Variants in DUS2 observed in about 807,000 individuals in gnomAD.
DUS2 encodes dihydrouridine synthase 2.
In DUS2, 52 loss-of-function variants were observed where a neutral mutation model predicts 71.3. The ratio of observed to expected loss-of-function variants is 0.73; its 90% CI spans 0.58 to 0.92. The LOEUF (loss-of-function observed/expected upper bound fraction) is 0.92. Among genes scored for constraint, DUS2 ranks in the 40% least tolerant of loss-of-function variants. The pLI, the probability that DUS2 is intolerant of heterozygous loss-of-function variation, is 0.00. For synonymous variants in DUS2, 204 were observed against 227.8 expected (o/e 0.90, Z 0.94); for missense variants, 558 against 622.6 (o/e 0.90, Z 1.10).
At chr16:68,028,376 C>T (rs145134026) in intron 2 of DUS2, among the ~76,000 whole-genome samples, 2,547 of 152,158 alleles carry the variant, frequency 0.017, 65 homozygotes, top group African/African-American at 0.056. Flanking sequence ...TGGCTCACAC[C>T]TGTAATCCCA....
At position 68,023,339 on chromosome 16, in the gene DUS2, G is replaced by C; in HGVS notation, c.-111G>C. On this transcript the variant is annotated 5_prime_UTR_variant, in exon 1 of 17. Transcript: ENST00000565263. Reference sequence around the variant, plus strand: ...GGAAGAAGCGAGGTTCTTTTTAAGAGTTCAGCTGCGAGGTCTGTAGCTCCG... The same window carrying C: ...GGAAGAAGCGAGGTTCTTTTTAAGACTTCAGCTGCGAGGTCTGTAGCTCCG... 1 of 1,088,252 alleles carries C rather than the reference G, an allele frequency of 9.2e-7. No individual in the cohort carries two copies. Among genetic ancestry groups the C allele is most frequent in the Non-Finnish European group, 1.3e-6 (1 of 770,888 alleles). 67.4% of individuals were successfully genotyped at this position (1,088,252 alleles called of 1,614,324 possible). A position where few individuals can be genotyped will look rare whatever the true frequency, so the allele number is the denominator to read the frequency against.
intron 2 of DUS2, among the ~76,000 whole-genome samples, chr16:68,037,000 G>A (rs911068616): frequency 2.0e-5 from 3 of 151,566 alleles, no homozygotes; most frequent in African/African-American, 7.3e-5. Context: ...CTCTGCTCTA[G>A]CATTACCAGT....
intron 3 of DUS2, among the ~76,000 whole-genome samples, chr16:68,039,686 G>A (rs1318191978): frequency 6.6e-6 from 1 of 152,088 alleles, no homozygotes; most frequent in Non-Finnish European, 1.5e-5. Flanking sequence ...CTTCCAAAGT[G>A]CTGGGATTAC....
chr16:68,066,775 T>C, intron 10 of DUS2, 139 bp downstream of exon 10: 1 of 835,294 alleles, frequency 1.2e-6, no homozygotes, highest in Non-Finnish European at 1.9e-6. Flanking sequence ...CTCTTTGATA[T>C]CTTATGAGTC....
chr16:68,038,708 C>A (rs1221733228), intron 3 of DUS2, among the ~76,000 whole-genome samples: 3 of 133,530 alleles, frequency 2.2e-5, no homozygotes, highest in African/African-American at 2.9e-5. Context: ...CCAGCCTGGG[C>A]AACAGAGCAA....
At chr16:68,073,828 G>C (rs1311266242) in intron 12 of DUS2, among the ~76,000 whole-genome samples, 1 of 152,050 alleles carries the variant, frequency 6.6e-6, no homozygotes, top group Non-Finnish European at 1.5e-5. Context: ...GCCTCAAGCA[G>C]TCCTCCTGCA....
At position 68,054,571 on chromosome 16, in the gene DUS2, C is replaced by T. The variant is rs2033824624; in HGVS notation, c.265-3C>T. The T allele has an allele frequency of 6.2e-7, 1 of 1,613,940 alleles. No homozygotes were observed. Among genetic ancestry groups the T allele is most frequent in the African/African-American group, 1.3e-5 (1 of 74,884 alleles). On this transcript the variant is annotated splice_polypyrimidine_tract_variant and splice_region_variant and intron_variant, in intron 5 of 16. Transcript: ENST00000565263. Reference sequence around the variant, plus strand: ...TGGTTGATGCAGCCTCTTGTGTTCCCAGGGGACTTCAGACGCAGAGCGAGC... The same window carrying T: ...TGGTTGATGCAGCCTCTTGTGTTCCTAGGGGACTTCAGACGCAGAGCGAGC...
At chr16:68,059,396 T>TG (rs2033907625) in intron 7 of DUS2, among the ~76,000 whole-genome samples, 1 of 152,154 alleles carries the variant, frequency 6.6e-6, no homozygotes, top group South Asian at 2.1e-4. Context: ...GCTATTATTG[T>TG]GGAAGGGGCA....
chr16:68,069,239 A>G lies in DUS2; in HGVS notation c.555-895A>G, dbSNP rs1468847404. ...CCCTGTTTCTACTAAAAAAAATACA[A>G]AATTAGCTAGGCATGGTAGCTCATG... On this transcript the variant is annotated intron_variant, in intron 10 of 16. Coordinates refer to ENST00000565263, the MANE Select transcript of DUS2 (RefSeq NM_017803.5). Among the ~76,000 whole-genome samples the G allele has an allele frequency of 2.6e-5, 4 of 152,130 alleles. No individual in the cohort carries two copies. In the East Asian group the frequency reaches 5.8e-4, roughly 22 times the overall value.
chr16:68,023,320 A>G lies in DUS2; in HGVS notation c.-130A>G, dbSNP rs563430626. 2.6e-5 allele frequency: 33 copies of G among 1,247,764 alleles called. No individual in the cohort carries two copies. Among genetic ancestry groups the G allele is most frequent in the Middle Eastern group, 2.8e-4 (1 of 3,602 alleles). 77.3% of individuals were successfully genotyped at this position (1,247,764 alleles called of 1,614,324 possible). A position where few individuals can be genotyped will look rare whatever the true frequency, so the allele number is the denominator to read the frequency against. ...TGGAGCTGGAGCACCGTGAGGAAGA[A>G]GCGAGGTTCTTTTTAAGAGTTCAGC... is the stretch of plus-strand genomic sequence containing the variant. On this transcript the variant is annotated 5_prime_UTR_variant, in exon 1 of 17. Transcript: ENST00000565263.
rs1448661192 is a variant in DUS2, at chr16:68,054,604, G to A, written c.295G>A (p.Val99Met). Residue 99 changes from valine to methionine, a missense_variant, in exon 6 of 17, where the codon GTG becomes ATG. Transcript: ENST00000565263. ...TTCAGACGCAGAGCGAGCCCTTGCT[G>A]TGGCCAGGCTTGTGTAAGTTCATCC... ...GTSDAERALA[V>M]ARLVENDVAG... is the part of the protein sequence containing the mutation. 11 of 1,614,176 alleles carry A rather than the reference G, an allele frequency of 6.8e-6. No homozygotes were observed. The highest frequency in any genetic ancestry group is 1.7e-5 in the Admixed American group (1 of 60,014).
intron 4 of DUS2, among the ~76,000 whole-genome samples, chr16:68,050,697 A>G (rs975624743): frequency 6.6e-6 from 1 of 152,128 alleles, no homozygotes; most frequent in Non-Finnish European, 1.5e-5. Flanking sequence ...ATCTATATCT[A>G]TATTTATCTA....
At chr16:68,047,578 G>A (rs2033723038) in intron 3 of DUS2, among the ~76,000 whole-genome samples, 1 of 151,346 alleles carries the variant, frequency 6.6e-6, no homozygotes, top group Admixed American at 6.6e-5. Context: ...CCGCCTCCCT[G>A]GTTCAAGCAA....
At chr16:68,052,374 C>T (rs1167228697) in intron 4 of DUS2, among the ~76,000 whole-genome samples, 7 of 152,214 alleles carry the variant, frequency 4.6e-5, no homozygotes, top group Non-Finnish European at 7.3e-5. Flanking sequence ...CATCAGGCAA[C>T]TCAAAACTTT....
At chr16:68,057,134 AATAAATAT>A (rs1347301039) in intron 7 of DUS2, among the ~76,000 whole-genome samples, 1 of 140,760 alleles carries the variant, frequency 7.1e-6, no homozygotes, top group South Asian at 2.1e-4. Flanking sequence ...ATAAATATAT[AATAAATAT>A]ATAAATATAT....
intron 10 of DUS2, among the ~76,000 whole-genome samples, chr16:68,069,110 C>T (rs986738139): frequency 4.6e-5 from 7 of 151,896 alleles, no homozygotes; most frequent in Non-Finnish European, 8.8e-5. Flanking sequence ...TAGAGGGGCC[C>T]GGGCGCGGTG....
At position 68,054,582 on chromosome 16, in the gene DUS2, A is replaced by G. The variant is rs11555011; in HGVS notation, c.273A>G (p.Ser91=). 0.13 allele frequency: 216,925 copies of G among 1,613,932 alleles called. 15,422 individuals carry two copies. The highest frequency in any genetic ancestry group is 0.2 in the South Asian group (18,048 of 91,076). ...GCCTCTTGTGTTCCCAGGGGACTTCAGACGCAGAGCGAGCCCTTGCTGTGG... is the reference window on the plus strand; with the variant it reads ...GCCTCTTGTGTTCCCAGGGGACTTCGGACGCAGAGCGAGCCCTTGCTGTGG... The part of the protein sequence containing the change: ...QNRVVFQMGT[S]DAERALAVAR... Residue 91 remains serine (S), a synonymous_variant, in exon 6 of 17, where the codon TCA becomes TCG. Coordinates refer to ENST00000565263, the MANE Select transcript of DUS2 (RefSeq NM_017803.5).
At chr16:68,036,956 G>T (rs756087787) in intron 2 of DUS2, among the ~76,000 whole-genome samples, 2 of 151,318 alleles carry the variant, frequency 1.3e-5, no homozygotes, top group Admixed American at 6.6e-5. Context: ...ATTTCAAATT[G>T]CAACCCATCC....
intron 4 of DUS2, 129 bp downstream of exon 4, chr16:68,049,679 C>A: frequency 1.2e-6 from 1 of 834,204 alleles, no homozygotes; most frequent in East Asian, 2.5e-5. Context: ...TCACATGCTC[C>A]CTTGAGAGCA....
Sources: gnomAD v4.1 joint callset for allele counts (sites outside exome capture counted in the v4.1 genomes callset) on GRCh38, gnomAD v4.1.1 for gene constraint, MANE v1.5 for transcripts, NCBI Gene and HGNC (gene_info 2026-07-23, HGNC 2026-07-21) for gene names.